MAGI2: variants seen among roughly 807,000 people sequenced by gnomAD.
MAGI2 encodes membrane-associated guanylate kinase, WW and PDZ domain-containing protein 2.
In MAGI2, 35 loss-of-function variants were observed where a neutral mutation model predicts 133.3. That is an observed-to-expected ratio of 0.26 (90% CI 0.20 to 0.35). The LOEUF is 0.35. MAGI2 is among the 10% of genes least tolerant of loss of function. The pLI, the probability that MAGI2 is intolerant of heterozygous loss-of-function variation, is 1.00. For synonymous variants in MAGI2, 729 were observed against 710.6 expected (o/e 1.03, Z -0.41); for missense variants, 1,636 against 1,863.4 (o/e 0.88, Z 2.25).
chr7:78,997,567 A>C (rs1274458551), intron 2 of MAGI2, among the ~76,000 whole-genome samples: 1 of 150,244 alleles, frequency 6.7e-6, no homozygotes, highest in African/African-American at 2.5e-5. Context: ...GTGCCATTGC[A>C]CTCCAGCCTG....
chr7:78,457,967 G>T (rs17147827), intron 6 of MAGI2, among the ~76,000 whole-genome samples: 25,812 of 152,034 alleles, frequency 0.17, 2,238 homozygotes, highest in Admixed American at 0.23. Flanking sequence ...TCATGTTCTG[G>T]AATGCTGAAT....
At chr7:78,051,884 C>CTTTTT (rs59919639) in intron 21 of MAGI2, among the ~76,000 whole-genome samples, 7 of 125,808 alleles carry the variant, frequency 5.6e-5, no homozygotes, top group Non-Finnish European at 6.5e-5. Context: ...CATACCCAGC[C>CTTTTT]TTTTTTTTTT....
At chr7:78,393,415 C>G (rs1356847493) in intron 6 of MAGI2, among the ~76,000 whole-genome samples, 1 of 152,184 alleles carries the variant, frequency 6.6e-6, no homozygotes, top group Non-Finnish European at 1.5e-5. Flanking sequence ...CCAGAGACAG[C>G]AGTGTCTTTA....
intron 9 of MAGI2, among the ~76,000 whole-genome samples, chr7:78,324,636 A>G (rs1417527323): frequency 6.6e-6 from 1 of 152,196 alleles, no homozygotes; most frequent in South Asian, 2.1e-4. Flanking sequence ...ATTCCATTGT[A>G]AGGTAGCTCT....
chr7:78,454,633 CT>C (rs1789107510), intron 6 of MAGI2, among the ~76,000 whole-genome samples: 1 of 152,166 alleles, frequency 6.6e-6, no homozygotes, highest in Non-Finnish European at 1.5e-5. Flanking sequence ...TTTGTAGCAA[CT>C]TAATTCATAT....
intron 9 of MAGI2, among the ~76,000 whole-genome samples, chr7:78,322,209 C>T (rs1210136951): frequency 6.6e-6 from 1 of 152,136 alleles, no homozygotes; most frequent in Non-Finnish European, 1.5e-5. Context: ...GTGGCGATTC[C>T]TCAAGGATCT....
At position 78,559,466 on chromosome 7, in the gene MAGI2, G is replaced by A. The variant is rs185731924; in HGVS notation, c.539-37821C>T. Among the ~76,000 whole-genome samples the A allele has an allele frequency of 3.0e-3, 463 of 152,186 alleles. 1 individual carries two copies. The highest frequency in any genetic ancestry group is 0.017 in the Middle Eastern group (5 of 294). ...TATAAGCAATGGTATTTTCTGTGGA[G>A]CTCATTTAAAGCAGTTAGTGATTTT... is the stretch of plus-strand genomic sequence containing the variant. On this transcript the variant is annotated intron_variant, in intron 3 of 21. Transcript: ENST00000354212.
chr7:79,143,929 G>C (rs1212656630), intron 1 of MAGI2, among the ~76,000 whole-genome samples: 1 of 152,034 alleles, frequency 6.6e-6, no homozygotes, highest in African/African-American at 2.4e-5. Flanking sequence ...TTCCAAACTG[G>C]AGTAGGAAGA....
chr7:79,379,242 G>A (rs1346562229), intron 1 of MAGI2, among the ~76,000 whole-genome samples: 3 of 151,302 alleles, frequency 2.0e-5, no homozygotes, highest in Non-Finnish European at 2.9e-5. Flanking sequence ...ATAGTTTGCT[G>A]AGAATGATGG....
At chr7:79,011,211 A>G (rs1424582554) in intron 1 of MAGI2, 1 of 152,136 alleles carries the variant, frequency 6.6e-6, no homozygotes, top group Admixed American at 6.6e-5. Context: ...ACTGGGCTGC[A>G]TTTCTAAGGT....
chr7:78,176,843 G>A (rs1826667923), intron 14 of MAGI2, among the ~76,000 whole-genome samples: 1 of 148,940 alleles, frequency 6.7e-6, no homozygotes, highest in African/African-American at 2.5e-5. Flanking sequence ...ACAAGACTCT[G>A]TCTCAGGAAA....
chr7:78,540,488 GC>G (rs1798321257), intron 3 of MAGI2, among the ~76,000 whole-genome samples: 2 of 152,128 alleles, frequency 1.3e-5, no homozygotes, highest in African/African-American at 2.4e-5. Flanking sequence ...CTGACATCTT[GC>G]CCCAGGCGAC....
chr7:78,924,180 C>G (rs1487532875), intron 2 of MAGI2, among the ~76,000 whole-genome samples: 1 of 152,030 alleles, frequency 6.6e-6, no homozygotes, highest in Non-Finnish European at 1.5e-5. Flanking sequence ...ATTGAATACC[C>G]TTTATTTCTT....
At chr7:78,255,475 G>A in intron 10 of MAGI2, 1 of 263,716 alleles carries the variant, frequency 3.8e-6, no homozygotes, top group South Asian at 4.8e-5. Flanking sequence ...GTCCTTCTGA[G>A]TATTGTCAAG....
chr7:79,156,077 AT>A (rs937795342), intron 1 of MAGI2, among the ~76,000 whole-genome samples: 2 of 151,842 alleles, frequency 1.3e-5, no homozygotes, highest in African/African-American at 2.4e-5. Context: ...CTAAGCTCTG[AT>A]TTTTTTTATC....
intron 5 of MAGI2, among the ~76,000 whole-genome samples, chr7:78,491,911 G>A (rs1990578): frequency 0.22 from 30,375 of 140,426 alleles, 4,930 homozygotes; most frequent in African/African-American, 0.47. Flanking sequence ...GTGTGTGTGT[G>A]TGTGTGTGTT....
chr7:78,845,777 T>G (rs1435406483), intron 2 of MAGI2, among the ~76,000 whole-genome samples: 1 of 151,940 alleles, frequency 6.6e-6, no homozygotes, highest in African/African-American at 2.4e-5. Context: ...GACTGATTCC[T>G]CACATTGCAA....
intron 1 of MAGI2, among the ~76,000 whole-genome samples, chr7:79,100,474 T>C (rs1817880811): frequency 6.6e-6 from 1 of 151,652 alleles, no homozygotes; most frequent in Admixed American, 6.6e-5. Flanking sequence ...ATCAGGTTAA[T>C]GTACATTATA....
intron 2 of MAGI2, among the ~76,000 whole-genome samples, chr7:78,842,966 A>G (rs1792274100): frequency 6.6e-6 from 1 of 151,946 alleles, no homozygotes; most frequent in Admixed American, 6.6e-5. Context: ...GCAAGTCCAA[A>G]AAAAGCTTTA....
Sources: allele counts gnomAD v4.1 joint callset (sites outside exome capture counted in the v4.1 genomes callset), GRCh38; gene constraint gnomAD v4.1.1; transcripts MANE v1.5; gene names NCBI Gene and HGNC (gene_info 2026-07-23, HGNC 2026-07-21).